Variants in TENM3 observed in about 807,000 individuals in gnomAD.
TENM3 encodes the protein teneurin-3.
Under a neutral mutation model 255.1 loss-of-function variants are expected in TENM3, and 63 were observed. The ratio of observed to expected loss-of-function variants is 0.25; its 90% CI spans 0.20 to 0.30. The LOEUF (loss-of-function observed/expected upper bound fraction) is 0.30. Among genes scored for constraint, TENM3 ranks in the 10% least tolerant of loss-of-function variants. The probability of loss-of-function intolerance (pLI) is 1.00; values close to 1 mark genes in which losing one functional copy is unlikely to be tolerated. For synonymous variants in TENM3, 1,306 were observed against 1,322.3 expected, an observed-to-expected ratio of 0.99 and a Z score of 0.27; for missense variants, 2,929 against 3,461.1, an observed-to-expected ratio of 0.85 and a Z score of 3.86.
chr4:182,478,704 T>A (rs1733912517), intron 3 of TENM3, among the ~76,000 whole-genome samples: 1 of 152,028 alleles, frequency 6.6e-6, no homozygotes, highest in African/African-American at 2.4e-5. Flanking sequence ...GGAAAGTTTA[T>A]CTAGATGTCT....
chr4:181,672,486 T>C, the TENM3 span, among the ~76,000 whole-genome samples: 1 of 152,164 alleles, frequency 6.6e-6, no homozygotes, highest in Non-Finnish European at 1.5e-5. Flanking sequence ...GAAGTGATAT[T>C]CACTTCCCTG....
intron 2 of TENM3, among the ~76,000 whole-genome samples, chr4:182,345,459 A>G (rs1242476675): frequency 6.6e-6 from 1 of 152,192 alleles, no homozygotes. Flanking sequence ...AGTAATATAA[A>G]TGCTTAATAT....
the TENM3 span, among the ~76,000 whole-genome samples, chr4:181,599,374 T>C: frequency 6.6e-6 from 1 of 152,184 alleles, no homozygotes; most frequent in African/African-American, 2.4e-5. Context: ...AGCAGGACAC[T>C]GTAACGTCGA....
intron 1 of TENM3, among the ~76,000 whole-genome samples, chr4:182,274,090 G>A (rs192216309): frequency 1.4e-3 from 214 of 152,212 alleles, no homozygotes; most frequent in Non-Finnish European, 2.6e-3. Flanking sequence ...GAGTGAGCAG[G>A]GCAAACTGAA....
intron 1 of TENM3, among the ~76,000 whole-genome samples, chr4:182,312,685 C>A (rs1374742047): frequency 3.3e-5 from 5 of 152,148 alleles, no homozygotes; most frequent in Non-Finnish European, 7.3e-5. Context: ...AAAGTAGTGG[C>A]CTCTATATTC....
At chr4:182,089,565 T>C in the TENM3 span, among the ~76,000 whole-genome samples, 1 of 152,202 alleles carries the variant, frequency 6.6e-6, no homozygotes, top group Non-Finnish European at 1.5e-5. Context: ...AGTGAGGATT[T>C]ATTGATTTTT....
At chr4:182,191,929 T>G (rs2149790422) in intron 1 of TENM3, among the ~76,000 whole-genome samples, 1 of 152,236 alleles carries the variant, frequency 6.6e-6, no homozygotes, top group East Asian at 1.9e-4. Flanking sequence ...TACATCATTC[T>G]GTTATTTATT....
the TENM3 span, among the ~76,000 whole-genome samples, chr4:182,025,560 T>C: frequency 2.6e-5 from 4 of 152,190 alleles, no homozygotes; most frequent in African/African-American, 7.2e-5. Flanking sequence ...ATAGTTTTCA[T>C]ATAGTAGCTC....
chr4:181,612,191 G>T, the TENM3 span, among the ~76,000 whole-genome samples: 1 of 152,086 alleles, frequency 6.6e-6, no homozygotes, highest in Non-Finnish European at 1.5e-5. Context: ...AGAGATGAGG[G>T]TCCCCTCGCC....
chr4:182,136,953 A>C, the TENM3 span, among the ~76,000 whole-genome samples: 9,720 of 152,182 alleles, frequency 0.064, 394 homozygotes, highest in East Asian at 0.15. Flanking sequence ...CTCATAATGC[A>C]CAGAAAGATC....
chr4:182,174,985 T>G (rs1752366208), intron 1 of TENM3, among the ~76,000 whole-genome samples: 1 of 152,088 alleles, frequency 6.6e-6, no homozygotes, highest in African/African-American at 2.4e-5. Context: ...AAAAAAATCC[T>G]TTAAAGGCTG....
the TENM3 span, among the ~76,000 whole-genome samples, chr4:181,487,867 A>G: frequency 0.01 from 1,587 of 152,280 alleles, 29 homozygotes; most frequent in African/African-American, 0.037. Flanking sequence ...AAACACTGCT[A>G]GCAGGACCTG....
At chr4:182,178,548 C>G (rs1671340977) in intron 1 of TENM3, among the ~76,000 whole-genome samples, 1 of 152,152 alleles carries the variant, frequency 6.6e-6, no homozygotes, top group Non-Finnish European at 1.5e-5. Context: ...CAGGGATTCT[C>G]TTGTTTTAGG....
chr4:182,278,108 T>G (rs1305061747), intron 1 of TENM3, among the ~76,000 whole-genome samples: 1 of 152,196 alleles, frequency 6.6e-6, no homozygotes, highest in Non-Finnish European at 1.5e-5. Flanking sequence ...GGCTCACGCC[T>G]GTAATCCCAG....
At chr4:182,182,666 T>A (rs1752914728) in intron 1 of TENM3, among the ~76,000 whole-genome samples, 1 of 152,208 alleles carries the variant, frequency 6.6e-6, no homozygotes, top group East Asian at 1.9e-4. Flanking sequence ...CCCTGAGTTA[T>A]CAGCTTAGTT....
the TENM3 span, among the ~76,000 whole-genome samples, chr4:181,729,225 T>C: frequency 6.6e-6 from 1 of 152,202 alleles, no homozygotes; most frequent in East Asian, 1.9e-4. Flanking sequence ...AGTCAAAATA[T>C]TATTTCTGGA....
intron 1 of TENM3, among the ~76,000 whole-genome samples, chr4:182,236,504 C>T (rs1044515036): frequency 6.6e-6 from 1 of 152,172 alleles, no homozygotes; most frequent in Non-Finnish European, 1.5e-5. Context: ...ATGCTCATCC[C>T]TGGGCAATTA....
intron 3 of TENM3, among the ~76,000 whole-genome samples, chr4:182,504,331 ACTACAAAT>A (rs1736607825): frequency 6.6e-6 from 1 of 151,844 alleles, no homozygotes. Context: ...GCCATTCTTA[ACTACAAAT>A]CTGACTTCTT....
At chr4:181,674,984 C>T in the TENM3 span, among the ~76,000 whole-genome samples, 3 of 152,130 alleles carry the variant, frequency 2.0e-5, no homozygotes, top group African/African-American at 7.2e-5. Context: ...ACACCTAGTT[C>T]AGTGCTGGAG....
Sources: gnomAD v4.1 joint callset for allele counts (sites outside exome capture counted in the v4.1 genomes callset) on GRCh38, gnomAD v4.1.1 for gene constraint, MANE v1.5 for transcripts, NCBI Gene and HGNC (gene_info 2026-07-23, HGNC 2026-07-21) for gene names.